WFDC1: variants seen among roughly 807,000 people sequenced by gnomAD.
WFDC1 encodes WAP four-disulfide core domain protein 1.
WFDC1 carries 39 observed loss-of-function variants against 32.9 expected under a neutral mutation model. The ratio of observed to expected loss-of-function variants is 1.19; its 90% CI spans 0.92 to 1.55. The LOEUF (loss-of-function observed/expected upper bound fraction) is 1.55, where lower values mean the gene tolerates loss of function less well. Ranked by LOEUF, WFDC1 falls within the 40% of genes most tolerant of loss-of-function variation. WFDC1 has a pLI of 0.00. For missense variants in WFDC1, 386 were observed against 309.5 expected (o/e 1.25, Z -1.85); for synonymous variants, 184 against 137.4 (o/e 1.34, Z -2.37).
At chr16:84,316,737 G>A (rs1907971768) in intron 2 of WFDC1, 1 of 152,190 alleles carries the variant, frequency 6.6e-6, no homozygotes, top group Admixed American at 6.5e-5. Flanking sequence ...CAGCACTTTG[G>A]GAGGGCAAGG....
At chr16:84,319,655 C>G (rs1313709609) in intron 4 of WFDC1, 84 bp downstream of exon 4, 1 of 1,537,296 alleles carries the variant, frequency 6.5e-7, no homozygotes, top group Admixed American at 1.8e-5. Flanking sequence ...CATGGACGAC[C>G]TGCCCCAGGA....
chr16:84,318,537 C>T (rs549359575), intron 3 of WFDC1, 182 bp downstream of exon 3: 2 of 608,454 alleles, frequency 3.3e-6, no homozygotes, highest in South Asian at 3.6e-5. Context: ...GGGGCTTGGC[C>T]AGAATCAAAG....
intron 1 of WFDC1, among the ~76,000 whole-genome samples, chr16:84,305,377 C>T (rs538510387): frequency 6.6e-6 from 1 of 152,346 alleles, no homozygotes; most frequent in Admixed American, 6.5e-5. Context: ...CTTGCACATG[C>T]TGGGTGGCTG....
At chr16:84,314,119 A>G (rs1436789331) in intron 2 of WFDC1, among the ~76,000 whole-genome samples, 1 of 152,214 alleles carries the variant, frequency 6.6e-6, no homozygotes, top group Non-Finnish European at 1.5e-5. Context: ...AGTGCTCAGC[A>G]CTGCGCGGGG....
intron 2 of WFDC1, chr16:84,317,337 T>TA (rs1164543473): frequency 1.9e-5 from 2 of 108,030 alleles, no homozygotes; most frequent in Non-Finnish European, 3.8e-5. Flanking sequence ...AATAAATAAA[T>TA]AAGAAGTAAA....
intron 5 of WFDC1, among the ~76,000 whole-genome samples, chr16:84,324,781 G>T (rs758980400): frequency 2.0e-5 from 3 of 151,860 alleles, no homozygotes; most frequent in African/African-American, 4.8e-5. Context: ...ATCATCCATT[G>T]ATCCATCCAT....
chr16:84,301,453 C>G (rs1370982104), intron 1 of WFDC1, among the ~76,000 whole-genome samples: 2 of 152,132 alleles, frequency 1.3e-5, no homozygotes, highest in Non-Finnish European at 2.9e-5. Context: ...TCCCCAGAGT[C>G]TGGGAGCTTT....
chr16:84,297,875 G>A (rs192320722), intron 1 of WFDC1, among the ~76,000 whole-genome samples: 6 of 152,184 alleles, frequency 3.9e-5, no homozygotes, highest in Non-Finnish European at 5.9e-5. Context: ...AGGGACTTAC[G>A]GATGATAGGA....
At chr16:84,319,183 G>GT in intron 3 of WFDC1, 1 of 548,272 alleles carries the variant, frequency 1.8e-6, no homozygotes, top group Admixed American at 3.4e-5. Flanking sequence ...GCCTGTGAGA[G>GT]TATGTTTGGG....
At chr16:84,295,527 A>G (rs376856229) in intron 1 of WFDC1, 4 of 280,666 alleles carry the variant, frequency 1.4e-5, no homozygotes, top group African/African-American at 4.3e-5. Flanking sequence ...AACAGAATGA[A>G]TACACTCTGT....
intron 1 of WFDC1, 134 bp downstream of exon 1, chr16:84,295,249 CGT>C (rs1234346581): frequency 2.5e-6 from 3 of 1,195,628 alleles, no homozygotes; most frequent in Non-Finnish European, 3.5e-6. Flanking sequence ...TCTTCCTATC[CGT>C]GTGTGTCTGA....
chr16:84,297,611 C>CT (rs1403056420), intron 1 of WFDC1, among the ~76,000 whole-genome samples: 1 of 92,040 alleles, frequency 1.1e-5, no homozygotes, highest in African/African-American at 4.4e-5. Flanking sequence ...GAGTGAAACT[C>CT]TGTCTCAAAA....
In WFDC1 at chr16:84,313,094, G is replaced by A; in HGVS notation, c.278G>A (p.Arg93Gln). Reference protein sequence around the residue: ...CQADSECPRHRRCCYNGCAYA... With the variant: ...CQADSECPRHQRCCYNGCAYA... ...GCGGACTCCGAGTGCCCGCGGCACCGGCGCTGCTGCTACAACGGATGCGCC... is the reference window on the plus strand; with the variant it reads ...GCGGACTCCGAGTGCCCGCGGCACCAGCGCTGCTGCTACAACGGATGCGCC... The change falls in exon 2 of 7, where the codon CGG becomes CAG. Residue 93 changes from arginine (R) to glutamine (Q), a missense_variant. Arg to Gln is a conservative substitution (Grantham distance 43). Coordinates refer to ENST00000219454, the MANE Select transcript of WFDC1 (RefSeq NM_021197.4). 6 of 1,431,494 alleles carry A rather than the reference G, an allele frequency of 4.2e-6. No homozygotes were observed. Among genetic ancestry groups the A allele is most frequent in the Admixed American group, 3.1e-5 (1 of 32,700 alleles). 88.7% of individuals were successfully genotyped at this position (1,431,494 alleles called of 1,614,324 possible).
intron 1 of WFDC1, among the ~76,000 whole-genome samples, chr16:84,303,919 C>A (rs539149216): frequency 6.6e-6 from 1 of 152,314 alleles, no homozygotes; most frequent in African/African-American, 2.4e-5. Context: ...TGGAATCATC[C>A]AGTATGTGCT....
Position 84,295,553 on chromosome 16 carries a change from A to G in WFDC1, c.144+438A>G, listed in dbSNP as rs182989929. 272 of 206,826 alleles carry G rather than the reference A, an allele frequency of 1.3e-3. 2 individuals carry two copies. Among genetic ancestry groups the G allele is most frequent in the East Asian group, 7.4e-3 (69 of 9,322 alleles). 12.8% of individuals were successfully genotyped at this position (206,826 alleles called of 1,614,324 possible). A position where few individuals can be genotyped will look rare whatever the true frequency, so the allele number is the denominator to read the frequency against. The stretch of plus-strand genomic sequence containing the variant: ...TACACTCTGTTAAACAGAATTTAGC[A>G]GAAACCGCTCTGGGGAAGGCACTCT... On this transcript the variant is annotated intron_variant, in intron 1 of 6. Transcript: ENST00000219454.
intron 1 of WFDC1, among the ~76,000 whole-genome samples, chr16:84,309,227 C>T (rs1009801896): frequency 1.3e-5 from 2 of 151,866 alleles, no homozygotes; most frequent in African/African-American, 4.8e-5. Flanking sequence ...AGGGTCGGGG[C>T]GATGAGATGA....
At chr16:84,300,237 C>G (rs555700195) in intron 1 of WFDC1, among the ~76,000 whole-genome samples, 1 of 152,296 alleles carries the variant, frequency 6.6e-6, no homozygotes, top group East Asian at 1.9e-4. Context: ...GCCAAGGTGC[C>G]GGGGAGGTAA....
At chr16:84,300,237 C>T (rs555700195) in intron 1 of WFDC1, among the ~76,000 whole-genome samples, 8 of 152,178 alleles carry the variant, frequency 5.3e-5, no homozygotes, top group African/African-American at 1.2e-4. Flanking sequence ...GCCAAGGTGC[C>T]GGGGAGGTAA....
Position 84,318,185 on chromosome 16 carries a change from C to A in WFDC1, c.338-87C>A. The A allele has an allele frequency of 3.2e-6, 4 of 1,247,006 alleles. No homozygotes were observed. In the South Asian group the frequency reaches 3.7e-5, roughly 11 times the overall value. The allele number at this position is 1,247,006 out of a possible 1,614,324, so 77.2% of individuals were successfully genotyped here. A position where few individuals can be genotyped will look rare whatever the true frequency, so the allele number is the denominator to read the frequency against. ...CTCCCATGGGGAGCCTCTGTGCTGT[C>A]ATGAAGTTGGGGTGCCCCCAGCCCC... On this transcript the variant is annotated intron_variant, in intron 2 of 6. Coordinates refer to ENST00000219454, the MANE Select transcript of WFDC1 (RefSeq NM_021197.4).
Sources: gnomAD v4.1 joint callset for allele counts (sites outside exome capture counted in the v4.1 genomes callset) on GRCh38, gnomAD v4.1.1 for gene constraint, MANE v1.5 for transcripts, NCBI Gene and HGNC (gene_info 2026-07-23, HGNC 2026-07-21) for gene names.